Variants in FOXR2 observed in about 807,000 individuals in gnomAD.
FOXR2 encodes forkhead box R2.
For missense variants in FOXR2, 234 were observed against 227.1 expected (o/e 1.03, Z -0.20); for synonymous variants, 109 against 84.1 (o/e 1.30, Z -1.62).
chrX:55,623,743 G>A lies in FOXR2; in HGVS notation c.32G>A (p.Trp11Ter). Residue 11 changes from tryptophan (W) to a stop codon, truncating the protein, a stop_gained, in exon 1 of 1, where the codon TGG becomes TAG. Transcript: ENST00000339140. LOFTEE classifies it low-confidence loss of function (END_TRUNC). MDLKLKDCEF[W>*]YSLHGQVPGL... is the part of the protein sequence containing the mutation. ...TTAAAACTAAAAGACTGTGAATTTT[G>A]GTATAGTCTCCATGGCCAGGTCCCA... 8.3e-7 allele frequency: 1 copy of A among 1,208,965 alleles called. No homozygotes were observed. Among genetic ancestry groups the A allele is most frequent in the Non-Finnish European group, 1.1e-6 (1 of 893,215 alleles).
Position 55,624,217 on chromosome X carries a change from C to T in FOXR2, c.506C>T (p.Ser169Phe). Residue 169 changes from serine to phenylalanine, a missense_variant, in exon 1 of 1, where the codon TCC (serine) becomes TTC (phenylalanine). Coordinates refer to ENST00000339140, the MANE Select transcript of FOXR2 (RefSeq NM_198451.4). Reference protein sequence around the residue: ...AEEPDDNSLQSPEMKCYQSQK... With the variant: ...AEEPDDNSLQFPEMKCYQSQK... ...GAACCAGACGACAACTCCCTCCAGT[C>T]CCCTGAAATGAAATGTTACCAGAGC... 8.3e-7 allele frequency: 1 copy of T among 1,211,680 alleles called. No homozygotes were observed. Among genetic ancestry groups the T allele is most frequent in the Non-Finnish European group, 1.1e-6 (1 of 895,469 alleles).
Position 55,623,645 on chromosome X carries a change from C to A in FOXR2, c.-67C>A. On this transcript the variant is annotated 5_prime_UTR_variant, in exon 1 of 1. Coordinates refer to ENST00000339140, the MANE Select transcript of FOXR2 (RefSeq NM_198451.4). Reference sequence around the variant, plus strand: ...GCATAAAAAAATGATGCCCAAAGGACAGCTTTAAGTGCCTGCTAGATATCT... The same window carrying A: ...GCATAAAAAAATGATGCCCAAAGGAAAGCTTTAAGTGCCTGCTAGATATCT... 1.2e-6 allele frequency: 1 copy of A among 839,302 alleles called. No homozygotes were observed. The highest frequency in any genetic ancestry group is 1.7e-6 in the Non-Finnish European group (1 of 582,308). The allele number at this position is 839,302 out of a possible 1,213,427, so 69.2% of individuals were successfully genotyped here.
Position 55,624,294 on chromosome X carries a change from C to G in FOXR2, c.583C>G (p.Leu195Val). ...AGAGAAGTCCTGGCAAAGGCCCCCTCTCAATTGTAGCCACCTTATTGCCCT... is the reference window on the plus strand; with the variant it reads ...AGAGAAGTCCTGGCAAAGGCCCCCTGTCAATTGTAGCCACCTTATTGCCCT... The part of the protein sequence containing the change: ...NQEKSWQRPP[L>V]NCSHLIALAL... The change falls in exon 1 of 1, where the codon CTC becomes GTC. Residue 195 changes from leucine (L) to valine (V), a missense_variant. Coordinates refer to ENST00000339140, the MANE Select transcript of FOXR2 (RefSeq NM_198451.4). 1.6e-6 allele frequency: 2 copies of G among 1,212,251 alleles called. No individual in the cohort carries two copies. The highest frequency in any genetic ancestry group is 1.8e-5 in the South Asian group (1 of 57,028).
rs1389430934 is a variant in FOXR2 at position 55,624,063 on chromosome X, G to A, written c.352G>A (p.Glu118Lys). 4 of 1,209,933 alleles carry A rather than the reference G, an allele frequency of 3.3e-6. No homozygotes were observed. The highest frequency in any genetic ancestry group is 5.9e-5 in the East Asian group (2 of 33,746). Residue 118 changes from glutamate (E) to lysine (K), a missense_variant, in exon 1 of 1, where the codon GAA becomes AAA. By Grantham distance (56) the Glu-to-Lys change is moderately conservative. Coordinates refer to ENST00000339140, the MANE Select transcript of FOXR2 (RefSeq NM_198451.4). ...SPFPQPPQKDEGSNCSEDKVV... is the reference protein window; with the variant it reads ...SPFPQPPQKDKGSNCSEDKVV... ...TTTCCCTCAGCCCCCACAAAAAGACGAAGGGTCTAACTGCTCAGAGGACAA... is the reference window on the plus strand; with the variant it reads ...TTTCCCTCAGCCCCCACAAAAAGACAAAGGGTCTAACTGCTCAGAGGACAA...
chrX:55,624,872 C>T lies in FOXR2; in HGVS notation c.*225C>T, dbSNP rs1205418315. ...CGCACGAGGAGAGTGGCTGTTGTTC[C>T]AAATTTTGAGCAAAGGAAAAGAAAT... On this transcript the variant is annotated 3_prime_UTR_variant, in exon 1 of 1. Coordinates refer to ENST00000339140, the MANE Select transcript of FOXR2 (RefSeq NM_198451.4). 2 of 359,546 alleles carry T rather than the reference C, an allele frequency of 5.6e-6. No individual in the cohort carries two copies. The highest frequency in any genetic ancestry group is 7.5e-4 in the Middle Eastern group (1 of 1,326). 29.6% of individuals were successfully genotyped at this position (359,546 alleles called of 1,213,427 possible). A position where few individuals can be genotyped will look rare whatever the true frequency, so the allele number is the denominator to read the frequency against.
In FOXR2 at chrX:55,623,663, A is replaced by C; in HGVS notation, c.-49A>C. ...CAAAGGACAGCTTTAAGTGCCTGCT[A>C]GATATCTGTTCTTTCAGAAGTCTCT... On this transcript the variant is annotated 5_prime_UTR_variant, in exon 1 of 1. Transcript: ENST00000339140. The C allele has an allele frequency of 1.0e-6, 1 of 957,144 alleles. No individual in the cohort carries two copies. Among genetic ancestry groups the C allele is most frequent in the Non-Finnish European group, 1.5e-6 (1 of 679,352 alleles). The allele number at this position is 957,144 out of a possible 1,213,427, so 78.9% of individuals were successfully genotyped here.
chrX:55,625,291 C>T lies in FOXR2; in HGVS notation c.*644C>T, dbSNP rs1226196954. The T allele has an allele frequency of 6.5e-5, 8 of 122,919 alleles. No homozygotes were observed. The Admixed American group carries it at 7.6e-4, about 12-fold the overall frequency. 10.1% of individuals were successfully genotyped at this position (122,919 alleles called of 1,213,427 possible). A position where few individuals can be genotyped will look rare whatever the true frequency, so the allele number is the denominator to read the frequency against. On this transcript the variant is annotated 3_prime_UTR_variant, in exon 1 of 1. Coordinates refer to ENST00000339140, the MANE Select transcript of FOXR2 (RefSeq NM_198451.4). Reference sequence around the variant, plus strand: ...CTGTGAAATATTCCTGTATTAACCCCAAGCCTTTTGATGATAAAGCTTTAT... The same window carrying T: ...CTGTGAAATATTCCTGTATTAACCCTAAGCCTTTTGATGATAAAGCTTTAT...
Position 55,625,202 on chromosome X carries a change from T to A in FOXR2, c.*555T>A, listed in dbSNP as rs2032331079. On this transcript the variant is annotated 3_prime_UTR_variant, in exon 1 of 1. Coordinates refer to ENST00000339140, the MANE Select transcript of FOXR2 (RefSeq NM_198451.4). ...TGGACTTCTAAGCCTTGTTTCTTTG[T>A]CATCCAATTCCAATATTGACAAATA... 8.1e-6 allele frequency: 1 copy of A among 124,036 alleles called. No homozygotes were observed. The highest frequency in any genetic ancestry group is 3.2e-5 in the African/African-American group (1 of 30,936). The allele number at this position is 124,036 out of a possible 1,213,427, so 10.2% of individuals were successfully genotyped here. A position where few individuals can be genotyped will look rare whatever the true frequency, so the allele number is the denominator to read the frequency against.
chrX:55,624,983 C>T lies in FOXR2; in HGVS notation c.*336C>T, dbSNP rs1413309624. ...TTTGTTTATAGAGAGTATTTTCACACATGAAAGTGAACAGTGGAATATAAA... is the reference window on the plus strand; with the variant it reads ...TTTGTTTATAGAGAGTATTTTCACATATGAAAGTGAACAGTGGAATATAAA... On this transcript the variant is annotated 3_prime_UTR_variant, in exon 1 of 1. Coordinates refer to ENST00000339140, the MANE Select transcript of FOXR2 (RefSeq NM_198451.4). 1 of 212,997 alleles carries T rather than the reference C, an allele frequency of 4.7e-6. No homozygotes were observed. The highest frequency in any genetic ancestry group is 9.0e-6 in the Non-Finnish European group (1 of 110,609). 17.6% of individuals were successfully genotyped at this position (212,997 alleles called of 1,213,427 possible).
Position 55,624,614 on chromosome X carries a change from G to A in FOXR2, c.903G>A (p.Gln301=), listed in dbSNP as rs2146687986. The A allele has an allele frequency of 8.3e-7, 1 of 1,208,649 alleles. No homozygotes were observed. Among genetic ancestry groups the A allele is most frequent in the Non-Finnish European group, 1.1e-6 (1 of 892,834 alleles). ...AGAGAATCCAAGAGTGCATGAGTCA[G>A]CCAGAGTTGTTGACCTCTCTCTTTG... ...QRERIQECMS[Q]PELLTSLFDL The change falls in exon 1 of 1, where the codon CAG becomes CAA. Residue 301 remains glutamine (Q), a synonymous_variant. Coordinates refer to ENST00000339140, the MANE Select transcript of FOXR2 (RefSeq NM_198451.4).
At position 55,624,654 on chromosome X, in the gene FOXR2, A is replaced by G; in HGVS notation, c.*7A>G. On this transcript the variant is annotated 3_prime_UTR_variant, in exon 1 of 1. Coordinates refer to ENST00000339140, the MANE Select transcript of FOXR2 (RefSeq NM_198451.4). ...CTCTCTCTTTGATCTTTGAAATGCCATTGCTCCCTTTTGGAACACTGCCTT... is the reference window on the plus strand; with the variant it reads ...CTCTCTCTTTGATCTTTGAAATGCCGTTGCTCCCTTTTGGAACACTGCCTT... 8.6e-7 allele frequency: 1 copy of G among 1,168,922 alleles called. No homozygotes were observed.
rs767586952 is a variant in FOXR2 at position 55,624,375 on chromosome X, A to G, written c.664A>G (p.Thr222Ala). Reference sequence around the variant, plus strand: ...CAGTGTGCAGGAGATCTACAATTTCACCCGACAGCATTTCCCCTTTTTCTG... The same window carrying G: ...CAGTGTGCAGGAGATCTACAATTTCGCCCGACAGCATTTCCCCTTTTTCTG... ...GLSVQEIYNF[T>A]RQHFPFFWTA... is the part of the protein sequence containing the mutation. Residue 222 changes from threonine (T) to alanine (A), a missense_variant, in exon 1 of 1, where the codon ACC (threonine) becomes GCC (alanine). Thr to Ala is a moderately conservative substitution (Grantham distance 58, BLOSUM62 0). Transcript: ENST00000339140. 1 of 1,210,728 alleles carries G rather than the reference A, an allele frequency of 8.3e-7. No individual in the cohort carries two copies. The highest frequency in any genetic ancestry group is 1.8e-5 in the South Asian group (1 of 56,845).
Position 55,625,522 on chromosome X carries a change from C to T in FOXR2, c.*875C>T, listed in dbSNP as rs781561084. Among the ~76,000 whole-genome samples, 1 of 111,319 alleles carries T rather than the reference C, an allele frequency of 9.0e-6. No individual in the cohort carries two copies. The highest frequency in any genetic ancestry group is 1.9e-5 in the Non-Finnish European group (1 of 53,103). ...ACATGAAAGGGCATTGGAAAAAATA[C>T]ATTTTGAGCTAGTTTTGAAGAATAA... On this transcript the variant is annotated 3_prime_UTR_variant, in exon 1 of 1. Coordinates refer to ENST00000339140, the MANE Select transcript of FOXR2 (RefSeq NM_198451.4).
In FOXR2 at chrX:55,623,705, A is replaced by G; in HGVS notation, c.-7A>G. The G allele has an allele frequency of 8.5e-7, 1 of 1,174,729 alleles. No individual in the cohort carries two copies. The stretch of plus-strand genomic sequence containing the variant: ...GAAGTCTCTCTCCACCTATCTCTCC[A>G]GTAAAGATGGACTTAAAACTAAAAG... On this transcript the variant is annotated 5_prime_UTR_variant, in exon 1 of 1. Coordinates refer to ENST00000339140, the MANE Select transcript of FOXR2 (RefSeq NM_198451.4).
In FOXR2 at chrX:55,625,853, A is replaced by G. The variant is rs1388295809; in HGVS notation, c.*1206A>G. Among the ~76,000 whole-genome samples the G allele has an allele frequency of 8.9e-6, 1 of 112,095 alleles. No homozygotes were observed. The highest frequency in any genetic ancestry group is 3.2e-5 in the African/African-American group (1 of 30,870). On this transcript the variant is annotated 3_prime_UTR_variant, in exon 1 of 1. Coordinates refer to ENST00000339140, the MANE Select transcript of FOXR2 (RefSeq NM_198451.4). ...CTATGCAAATAAACTTTTGTTTATCAGATTTAAGCATAGCTTTTTGCTTCA... is the reference window on the plus strand; with the variant it reads ...CTATGCAAATAAACTTTTGTTTATCGGATTTAAGCATAGCTTTTTGCTTCA...
In FOXR2 at chrX:55,624,452, G is replaced by A. The variant is rs1388479761; in HGVS notation, c.741G>A (p.Leu247=). 2 of 1,211,788 alleles carry A rather than the reference G, an allele frequency of 1.7e-6. No homozygotes were observed. The highest frequency in any genetic ancestry group is 2.2e-6 in the Non-Finnish European group (2 of 895,451). ...KSTIHYNLCF[L]DSFEKVPDSL... is the part of the protein sequence containing the mutation. The stretch of plus-strand genomic sequence containing the variant: ...CCATTCATTACAACCTCTGCTTCCT[G>A]GACAGCTTTGAGAAGGTGCCAGACA... The change falls in exon 1 of 1, where the codon CTG becomes CTA. Residue 247 remains leucine (L), a synonymous_variant. Transcript: ENST00000339140.
At position 55,624,031 on chromosome X, in the gene FOXR2, T is replaced by C. The variant is rs2032318033; in HGVS notation, c.320T>C (p.Ile107Thr). ...AGTGGAAAAGAGGATCTGACAAACATTTCTCCTTTCCCTCAGCCCCCACAA... is the reference window on the plus strand; with the variant it reads ...AGTGGAAAAGAGGATCTGACAAACACTTCTCCTTTCCCTCAGCCCCCACAA... Reference protein sequence around the residue: ...KPSGKEDLTNISPFPQPPQKD... With the variant: ...KPSGKEDLTNTSPFPQPPQKD... Residue 107 changes from isoleucine to threonine, a missense_variant, in exon 1 of 1, where the codon ATT (isoleucine) becomes ACT (threonine). Transcript: ENST00000339140. 1 of 1,211,072 alleles carries C rather than the reference T, an allele frequency of 8.3e-7. No individual in the cohort carries two copies. Among genetic ancestry groups the C allele is most frequent in the African/African-American group, 1.7e-5 (1 of 57,637 alleles).
chrX:55,625,820 C>T lies in FOXR2; in HGVS notation c.*1173C>T, dbSNP rs957144777. Among the ~76,000 whole-genome samples, 1 of 111,879 alleles carries T rather than the reference C, an allele frequency of 8.9e-6. No homozygotes were observed. Among genetic ancestry groups the T allele is most frequent in the African/African-American group, 3.2e-5 (1 of 30,813 alleles). On this transcript the variant is annotated 3_prime_UTR_variant, in exon 1 of 1. Coordinates refer to ENST00000339140, the MANE Select transcript of FOXR2 (RefSeq NM_198451.4). ...TTTCTAATTTCAAAATTATCTTTAACATCTTTTCTATGCAAATAAACTTTT... is the reference window on the plus strand; with the variant it reads ...TTTCTAATTTCAAAATTATCTTTAATATCTTTTCTATGCAAATAAACTTTT...
Position 55,623,636 on chromosome X carries a change from C to G in FOXR2, c.-76C>G. Reference sequence around the variant, plus strand: ...AGATACACTGCATAAAAAAATGATGCCCAAAGGACAGCTTTAAGTGCCTGC... The same window carrying G: ...AGATACACTGCATAAAAAAATGATGGCCAAAGGACAGCTTTAAGTGCCTGC... On this transcript the variant is annotated 5_prime_UTR_variant, in exon 1 of 1. Coordinates refer to ENST00000339140, the MANE Select transcript of FOXR2 (RefSeq NM_198451.4). The G allele has an allele frequency of 1.3e-6, 1 of 770,602 alleles. No individual in the cohort carries two copies. The highest frequency in any genetic ancestry group is 3.2e-5 in the East Asian group (1 of 31,408). 63.5% of individuals were successfully genotyped at this position (770,602 alleles called of 1,213,427 possible).
Sources: allele counts gnomAD v4.1 joint callset (sites outside exome capture counted in the v4.1 genomes callset), GRCh38; gene constraint gnomAD v4.1.1; transcripts MANE v1.5; gene names NCBI Gene and HGNC (gene_info 2026-07-23, HGNC 2026-07-21).